The following GIGYF2 variants were observed in gnomAD, a reference collection of about 807,000 sequenced individuals.
GIGYF2 encodes the protein GRB10 interacting GYF protein 2.
GIGYF2 carries 25 observed loss-of-function variants against 208.1 expected under a neutral mutation model. That is an observed-to-expected ratio of 0.12 (90% CI 0.09 to 0.17). The LOEUF (loss-of-function observed/expected upper bound fraction) is 0.17. Among genes scored for constraint, GIGYF2 ranks in the 10% least tolerant of loss-of-function variants. The pLI is 1.00. For missense variants in GIGYF2, 1,302 were observed against 1,579.4 expected (o/e 0.82, Z 2.98); for synonymous variants, 534 against 543.8 (o/e 0.98, Z 0.25).
intron 22 of GIGYF2, among the ~76,000 whole-genome samples, chr2:232,833,328 C>T (rs1165603765): frequency 6.6e-6 from 1 of 152,052 alleles, no homozygotes; most frequent in African/African-American, 2.4e-5. Flanking sequence ...TCATATGATC[C>T]TCCCACCTCA....
intron 22 of GIGYF2, among the ~76,000 whole-genome samples, chr2:232,834,997 G>A (rs1014290507): frequency 3.9e-5 from 6 of 152,198 alleles, no homozygotes; most frequent in African/African-American, 7.2e-5. Flanking sequence ...TACTCACCTC[G>A]TATTCTCCCA....
At chr2:232,754,157 C>T (rs1484214434) in intron 5 of GIGYF2, among the ~76,000 whole-genome samples, 2 of 149,522 alleles carry the variant, frequency 1.3e-5, no homozygotes, top group Non-Finnish European at 3.0e-5. Context: ...AGAGCAAGAC[C>T]CCGTCTCAAA....
chr2:232,745,514 G>T (rs943270592), intron 3 of GIGYF2, among the ~76,000 whole-genome samples: 3 of 152,120 alleles, frequency 2.0e-5, no homozygotes, highest in Non-Finnish European at 4.4e-5. Flanking sequence ...ATAAAATAAT[G>T]TGTTACTGTT....
At chr2:232,852,942 GAGATAGGTC>G (rs1450935678) in intron 28 of GIGYF2, among the ~76,000 whole-genome samples, 1 of 152,116 alleles carries the variant, frequency 6.6e-6, no homozygotes, top group Non-Finnish European at 1.5e-5. Context: ...AAGGGTGTGG[GAGATAGGTC>G]ATCCTAGGAG....
At chr2:232,743,857 A>AT (rs935191885) in intron 3 of GIGYF2, among the ~76,000 whole-genome samples, 8 of 151,760 alleles carry the variant, frequency 5.3e-5, no homozygotes, top group Non-Finnish European at 1.2e-4. Context: ...TGTATTTTTT[A>AT]TTTTTTGGAG....
chr2:232,745,758 T>C (rs1324330801), intron 3 of GIGYF2, among the ~76,000 whole-genome samples: 1 of 152,144 alleles, frequency 6.6e-6, no homozygotes, highest in African/African-American at 2.4e-5. Flanking sequence ...TGATCATAAA[T>C]TACTGCAAGT....
intron 21 of GIGYF2, among the ~76,000 whole-genome samples, chr2:232,821,398 C>T (rs1701076628): frequency 6.6e-6 from 1 of 152,266 alleles, no homozygotes; most frequent in South Asian, 2.1e-4. Flanking sequence ...TAGGGTTTCA[C>T]CATGTTGGCC....
At chr2:232,783,677 T>C (rs1232144245) in intron 8 of GIGYF2, among the ~76,000 whole-genome samples, 1 of 141,672 alleles carries the variant, frequency 7.1e-6, no homozygotes, top group Admixed American at 7.0e-5. Flanking sequence ...CTAAGTCAGA[T>C]CTAGGTGTTT....
Position 232,768,417 on chromosome 2 carries a change from G to A in GIGYF2, c.532+6981G>A. On this transcript the variant is annotated intron_variant, in intron 8 of 28. Coordinates refer to ENST00000373563, the MANE Select transcript of GIGYF2 (RefSeq NM_001103146.3). Reference sequence around the variant, plus strand: ...CATGATTTCAGACGGTAGGTAGGATGTCCTCCTTTGGCATATTTCTCCAGT... The same window carrying A: ...CATGATTTCAGACGGTAGGTAGGATATCCTCCTTTGGCATATTTCTCCAGT... 1.2e-6 allele frequency: 2 copies of A among 1,614,164 alleles called. No individual in the cohort carries two copies. The highest frequency in any genetic ancestry group is 1.7e-6 in the Non-Finnish European group (2 of 1,179,982).
At chr2:232,843,658 G>A (rs1701899548) in intron 23 of GIGYF2, among the ~76,000 whole-genome samples, 1 of 151,324 alleles carries the variant, frequency 6.6e-6, no homozygotes, top group East Asian at 1.9e-4. Context: ...CAGATCGCTT[G>A]AGGCCAGGAG....
chr2:232,836,310 ATATATATATATATATATATAC>A lies in GIGYF2; in HGVS notation c.2766+3218_2766+3238del, dbSNP rs1559160602. 7.8e-4 allele frequency among the ~76,000 whole-genome samples: 16 copies of A among 20,640 alleles called. 3 individuals are homozygous for A. The highest frequency in any genetic ancestry group is 2.4e-3 in the African/African-American group (16 of 6,790). 13.5% of individuals were successfully genotyped at this position (20,640 alleles called of 152,430 possible). On this transcript the variant is annotated intron_variant, in intron 22 of 28. Coordinates refer to ENST00000373563, the MANE Select transcript of GIGYF2 (RefSeq NM_001103146.3). ...TATATATATATATATATATATATATATATATATATATATATATATACATATATATACTTATATATTTATATA... is the reference window on the plus strand; with the variant it reads ...TATATATATATATATATATATATATAATATATATACTTATATATTTATATA...
chr2:232,742,910 A>G (rs560657277), intron 3 of GIGYF2, among the ~76,000 whole-genome samples: 2 of 152,262 alleles, frequency 1.3e-5, no homozygotes, highest in East Asian at 3.9e-4. Flanking sequence ...TGGGCTTTAC[A>G]TGGTTGTGTA....
chr2:232,821,582 G>T (rs750056110), intron 21 of GIGYF2, among the ~76,000 whole-genome samples: 2 of 152,110 alleles, frequency 1.3e-5, no homozygotes, highest in East Asian at 1.9e-4. Flanking sequence ...TATATTCTCA[G>T]TACATGTCCT....
chr2:232,819,792 TC>T, intron 20 of GIGYF2, 34 bp from the exon 21 acceptor site: 1 of 183,892 alleles, frequency 5.4e-6, no homozygotes, highest in Non-Finnish European at 1.1e-5. Context: ...CCTGAGTCCC[TC>T]CCCCACCCCC....
chr2:232,765,398 T>G (rs986118262), intron 8 of GIGYF2: 6 of 152,698 alleles, frequency 3.9e-5, no homozygotes, highest in African/African-American at 1.4e-4. Context: ...GATCTATTCT[T>G]TTTAAAATTA....
chr2:232,748,837 T>C, intron 4 of GIGYF2, 150 bp from the exon 5 acceptor site: 5 of 633,854 alleles, frequency 7.9e-6, no homozygotes, highest in South Asian at 5.0e-5. Context: ...ATAAGGACTA[T>C]AGAAGTCAAT....
intron 9 of GIGYF2, 39 bp from the exon 10 acceptor site, chr2:232,790,659 A>G: frequency 6.6e-7 from 1 of 1,516,888 alleles, no homozygotes; most frequent in Non-Finnish European, 9.2e-7. Context: ...ATACTGTCAT[A>G]AAACTTTTCT....
intron 23 of GIGYF2, among the ~76,000 whole-genome samples, chr2:232,840,175 C>T (rs1295466203): frequency 1.3e-5 from 2 of 152,164 alleles, no homozygotes; most frequent in Non-Finnish European, 2.9e-5. Flanking sequence ...GATTGAGTAA[C>T]ATAACTGTTC....
intron 3 of GIGYF2, chr2:232,735,880 C>G: frequency 1.1e-5 from 11 of 980,868 alleles, no homozygotes; most frequent in Non-Finnish European, 1.3e-5. Flanking sequence ...TGAAGATCCT[C>G]TCTTCAGTGG....
Sources: gnomAD v4.1 joint callset for allele counts (sites outside exome capture counted in the v4.1 genomes callset) on GRCh38, gnomAD v4.1.1 for gene constraint, MANE v1.5 for transcripts, NCBI Gene and HGNC (gene_info 2026-07-23, HGNC 2026-07-21) for gene names.